The following CDKAL1 variants were observed in gnomAD, a reference collection of about 807,000 sequenced individuals.
CDKAL1 encodes the protein CDKAL1 threonylcarbamoyladenosine tRNA methylthiotransferase, also known as threonylcarbamoyladenosine tRNA methylthiotransferase.
In CDKAL1, 32 loss-of-function variants were observed where a neutral mutation model predicts 68.2. That is an observed-to-expected ratio of 0.47 (90% confidence interval 0.35 to 0.63). The LOEUF (loss-of-function observed/expected upper bound fraction) is 0.63, where lower values mean the gene tolerates loss of function less well. Among genes scored for constraint, CDKAL1 ranks in the 30% least tolerant of loss-of-function variants. The probability of loss-of-function intolerance (pLI) is 0.00; values close to 1 mark genes in which losing one functional copy is unlikely to be tolerated. For synonymous variants in CDKAL1, 234 were observed against 244.3 expected (o/e 0.96, Z 0.39); for missense variants, 606 against 696.7 (o/e 0.87, Z 1.47).
chr6:20,844,423 C>G (rs1024159820), intron 8 of CDKAL1, among the ~76,000 whole-genome samples: 2 of 152,268 alleles, frequency 1.3e-5, no homozygotes, highest in Middle Eastern at 3.4e-3. Context: ...TGAAATCTCA[C>G]TGTCCTGGAT....
intron 9 of CDKAL1, among the ~76,000 whole-genome samples, chr6:20,858,358 G>A (rs1436045131): frequency 6.6e-6 from 1 of 151,516 alleles, no homozygotes; most frequent in Non-Finnish European, 1.5e-5. Context: ...CAATATTTTG[G>A]TACAGTTTGA....
At chr6:21,107,666 A>T (rs1052454550) in intron 12 of CDKAL1, among the ~76,000 whole-genome samples, 10 of 151,830 alleles carry the variant, frequency 6.6e-5, no homozygotes, top group African/African-American at 2.4e-4. Flanking sequence ...TCCTGGCCTC[A>T]AGTGATATAC....
chr6:20,784,882 TA>T (rs1775603151), intron 8 of CDKAL1, among the ~76,000 whole-genome samples: 1 of 152,174 alleles, frequency 6.6e-6, no homozygotes, highest in African/African-American at 2.4e-5. Flanking sequence ...TAAAAATATT[TA>T]AAATTTTTTT....
chr6:20,770,210 A>G (rs1484513979), intron 7 of CDKAL1, among the ~76,000 whole-genome samples: 2 of 152,186 alleles, frequency 1.3e-5, no homozygotes, highest in African/African-American at 4.8e-5. Context: ...GAGTCATACC[A>G]TGCTATAAAG....
chr6:20,784,412 C>CTTTCTTTTTT (rs1775572357), intron 8 of CDKAL1, among the ~76,000 whole-genome samples: 1 of 33,492 alleles, frequency 3.0e-5, no homozygotes, highest in African/African-American at 1.2e-4. Flanking sequence ...TATTTTATTT[C>CTTTCTTTTTT]TTTTTTTTTT....
chr6:20,779,434 T>A (rs1581563824), intron 7 of CDKAL1, among the ~76,000 whole-genome samples: 1 of 152,316 alleles, frequency 6.6e-6, no homozygotes, highest in South Asian at 2.1e-4. Flanking sequence ...ATATTTGGTA[T>A]GTGAATAGAG....
chr6:20,762,477 T>C (rs1774512580), intron 7 of CDKAL1, among the ~76,000 whole-genome samples: 1 of 152,172 alleles, frequency 6.6e-6, no homozygotes, highest in African/African-American at 2.4e-5. Flanking sequence ...TGAGATCTCT[T>C]AGTTAATAGA....
chr6:20,966,170 C>G (rs1447384948), intron 10 of CDKAL1, among the ~76,000 whole-genome samples: 2 of 152,124 alleles, frequency 1.3e-5, no homozygotes, highest in Non-Finnish European at 2.9e-5. Context: ...AAAGCAAAGT[C>G]CGTTCCCTTC....
chr6:20,910,536 CT>C (rs1037825893), intron 9 of CDKAL1, among the ~76,000 whole-genome samples: 3 of 152,176 alleles, frequency 2.0e-5, no homozygotes, highest in African/African-American at 7.2e-5. Context: ...CAGATAGAGT[CT>C]GTCTGGCCAG....
chr6:20,594,173 C>G (rs1484564108), intron 4 of CDKAL1, among the ~76,000 whole-genome samples: 1 of 152,144 alleles, frequency 6.6e-6, no homozygotes, highest in Non-Finnish European at 1.5e-5. Context: ...GTGGAGAGTT[C>G]TGTAGATGTC....
chr6:21,160,660 T>TAC (rs1476112390), intron 13 of CDKAL1, among the ~76,000 whole-genome samples: 7 of 102,348 alleles, frequency 6.8e-5, no homozygotes, highest in Non-Finnish European at 1.3e-4. Context: ...CACACACGTG[T>TAC]GTGTGTGTGT....
At chr6:20,704,281 G>A (rs1231213535) in intron 5 of CDKAL1, among the ~76,000 whole-genome samples, 2 of 152,182 alleles carry the variant, frequency 1.3e-5, no homozygotes, top group African/African-American at 4.8e-5. Flanking sequence ...TAACATGTAA[G>A]TCTGGTAGCA....
At chr6:20,600,789 C>CATATATATATATATATATATATATAT (rs58795499) in intron 4 of CDKAL1, among the ~76,000 whole-genome samples, 39 of 130,480 alleles carry the variant, frequency 3.0e-4, no homozygotes, top group East Asian at 9.7e-4. Context: ...TATATATATA[C>CATATATATATATATATATATATATAT]ACACACACAC....
At chr6:21,208,726 G>A (rs755523320) in intron 15 of CDKAL1, among the ~76,000 whole-genome samples, 3 of 151,792 alleles carry the variant, frequency 2.0e-5, no homozygotes, top group Non-Finnish European at 4.4e-5. Flanking sequence ...CTTTCATTTT[G>A]TATCTTGTTA....
rs143230106 is a variant in CDKAL1 at position 20,871,823 on chromosome 6, T to G, written c.742+25645T>G. The stretch of plus-strand genomic sequence containing the variant: ...TTTGTCTGAACTAGAATCCAAACTT[T>G]CCATGAAATTAACATCATTCCCTGT... On this transcript the variant is annotated intron_variant, in intron 9 of 15. Coordinates refer to ENST00000274695, the MANE Select transcript of CDKAL1 (RefSeq NM_017774.3). Among the ~76,000 whole-genome samples the G allele has an allele frequency of 2.0e-5, 3 of 152,178 alleles. 1 individual carries two copies. The South Asian group carries it at 6.2e-4, about 32-fold the overall frequency.
At chr6:20,913,462 A>T (rs1046520825) in intron 9 of CDKAL1, among the ~76,000 whole-genome samples, 11 of 152,182 alleles carry the variant, frequency 7.2e-5, no homozygotes, top group African/African-American at 2.7e-4. Flanking sequence ...ATTTAACTTC[A>T]TCAAAGCCAG....
At chr6:20,636,906 G>A (rs1767929742) in intron 4 of CDKAL1, among the ~76,000 whole-genome samples, 1 of 151,870 alleles carries the variant, frequency 6.6e-6, no homozygotes. Context: ...GTATGGTGGT[G>A]TATGCCTGTA....
chr6:20,678,835 T>C (rs946143740), intron 5 of CDKAL1, among the ~76,000 whole-genome samples: 14 of 152,218 alleles, frequency 9.2e-5, no homozygotes, highest in African/African-American at 3.4e-4. Context: ...ATTTAGGAAG[T>C]TGCATATTTT....
intron 13 of CDKAL1, among the ~76,000 whole-genome samples, chr6:21,149,919 G>A (rs12207912): frequency 0.13 from 19,653 of 152,044 alleles, 1,487 homozygotes; most frequent in Admixed American, 0.21. Context: ...GTGCAGTGGC[G>A]CTGTCTCGGC....
Sources: gnomAD v4.1 joint callset for allele counts (sites outside exome capture counted in the v4.1 genomes callset) on GRCh38, gnomAD v4.1.1 for gene constraint, MANE v1.5 for transcripts, NCBI Gene and HGNC (gene_info 2026-07-23, HGNC 2026-07-21) for gene names.